The following UPF2 variants were observed in gnomAD, a reference collection of about 807,000 sequenced individuals.
The protein encoded by UPF2 is UPF2 regulator of nonsense mediated mRNA decay.
A neutral mutation model predicts 141.4 loss-of-function variants in UPF2; 17 were observed. The ratio of observed to expected loss-of-function variants is 0.12; its 90% CI spans 0.08 to 0.18. The LOEUF (loss-of-function observed/expected upper bound fraction) is 0.18, where lower values mean the gene tolerates loss of function less well. UPF2 is among the 10% of genes least tolerant of loss of function. The pLI, the probability that UPF2 is intolerant of heterozygous loss-of-function variation, is 1.00. For missense variants in UPF2, 1,152 were observed against 1,515.9 expected (o/e 0.76, Z 3.99); for synonymous variants, 540 against 498.0 (o/e 1.08, Z -1.12).
At chr10:11,942,102 T>C (rs1408448481) in intron 18 of UPF2, among the ~76,000 whole-genome samples, 2 of 152,142 alleles carry the variant, frequency 1.3e-5, no homozygotes, top group Admixed American at 6.5e-5. Flanking sequence ...AGGCCAGGCA[T>C]GGTGGCTCAC....
In UPF2 at chr10:11,990,227, T is replaced by C. The variant is rs1180194995; in HGVS notation, c.1844+7445A>G. Among the ~76,000 whole-genome samples, 6 of 152,300 alleles carry C rather than the reference T, an allele frequency of 3.9e-5. No individual in the cohort carries two copies. The East Asian group carries it at 7.7e-4, about 20-fold the overall frequency. On this transcript the variant is annotated intron_variant, in intron 8 of 21. Coordinates refer to ENST00000357604, the MANE Select transcript of UPF2 (RefSeq NM_015542.4). ...TGCTTCTTTCAATGATAAACACATA[T>C]TGTTTCTCTATAGTTTGACCACTTA...
At chr10:11,937,179 T>G (rs1239073885) in intron 18 of UPF2, among the ~76,000 whole-genome samples, 1 of 152,266 alleles carries the variant, frequency 6.6e-6, no homozygotes, top group Non-Finnish European at 1.5e-5. Flanking sequence ...ATGGAATCTA[T>G]GACCATTTGT....
At chr10:12,000,299 T>C (rs1699876523) in intron 6 of UPF2, among the ~76,000 whole-genome samples, 1 of 152,242 alleles carries the variant, frequency 6.6e-6, no homozygotes, top group South Asian at 2.1e-4. Flanking sequence ...TATTGGTGTC[T>C]GCCCAGCATC....
Position 12,029,233 on chromosome 10 carries a change from C to G in UPF2, c.657G>C (p.Val219=). The G allele has an allele frequency of 6.2e-7, 1 of 1,614,162 alleles. No homozygotes were observed. Among genetic ancestry groups the G allele is most frequent in the Non-Finnish European group, 8.5e-7 (1 of 1,180,028 alleles). The part of the protein sequence containing the change: ...IVEAKLKISD[V]NCAVHLCSLF... ...GAGAGCAGAGGTGCACAGCACAGTTCACATCAGAGATTTTTAGTTTTGCTT... is the reference window on the plus strand; with the variant it reads ...GAGAGCAGAGGTGCACAGCACAGTTGACATCAGAGATTTTTAGTTTTGCTT... The change falls in exon 3 of 22, where the codon GTG becomes GTC. Residue 219 remains valine, a synonymous_variant. Coordinates refer to ENST00000357604, the MANE Select transcript of UPF2 (RefSeq NM_015542.4).
At position 12,028,819 on chromosome 10, in the gene UPF2, T is replaced by A; in HGVS notation, c.1071A>T (p.Lys357Asn). 6.2e-7 allele frequency: 1 copy of A among 1,614,154 alleles called. No homozygotes were observed. The highest frequency in any genetic ancestry group is 8.5e-7 in the Non-Finnish European group (1 of 1,180,030). Residue 357 changes from lysine to asparagine, a missense_variant, in exon 3 of 22, where the codon AAA (lysine) becomes AAT (asparagine). Transcript: ENST00000357604. Reference sequence around the variant, plus strand: ...GTTTGGTCAAAGACGTAAAGTACTCTTTTAAAAGATTCTGGAAGGGCTGTT... The same window carrying A: ...GTTTGGTCAAAGACGTAAAGTACTCATTTAAAAGATTCTGGAAGGGCTGTT... ...EKQQPFQNLL[K>N]EYFTSLTKHL...
At chr10:11,964,472 C>T (rs1367565836) in intron 10 of UPF2, among the ~76,000 whole-genome samples, 1 of 152,164 alleles carries the variant, frequency 6.6e-6, no homozygotes. Flanking sequence ...ATTCTCACTA[C>T]AAAAGTATTA....
chr10:12,016,247 G>C lies in UPF2; in HGVS notation c.1146-2063C>G, dbSNP rs1834218017. Among the ~76,000 whole-genome samples the C allele has an allele frequency of 6.6e-6, 1 of 151,984 alleles. No homozygotes were observed. The highest frequency in any genetic ancestry group is 2.1e-4 in the South Asian group (1 of 4,822). On this transcript the variant is annotated intron_variant, in intron 3 of 21. Transcript: ENST00000357604. The surrounding 1 kb of genome is among the most constrained non-coding windows in gnomAD (Gnocchi z 4.1). Reference sequence around the variant, plus strand: ...TTTTAATTTACTTTTATTTTTTGTAGAGACGGGAGTCTGGCTATGTTGGCC... The same window carrying C: ...TTTTAATTTACTTTTATTTTTTGTACAGACGGGAGTCTGGCTATGTTGGCC...
At chr10:11,945,222 T>C (rs57307370) in intron 16 of UPF2, among the ~76,000 whole-genome samples, 346 of 152,320 alleles carry the variant, frequency 2.3e-3, no homozygotes, top group African/African-American at 7.9e-3. Context: ...TTCAGGTTGT[T>C]AGGTGCTCAA....
Position 11,931,135 on chromosome 10 carries a change from C to T in UPF2, c.3688+506G>A, listed in dbSNP as rs905336431. Among the ~76,000 whole-genome samples the T allele has an allele frequency of 2.0e-5, 3 of 152,200 alleles. No individual in the cohort carries two copies. The highest frequency in any genetic ancestry group is 4.8e-5 in the African/African-American group (2 of 41,442). On this transcript the variant is annotated intron_variant, in intron 20 of 21. Coordinates refer to ENST00000357604, the MANE Select transcript of UPF2 (RefSeq NM_015542.4). This position sits in a 1 kb window ranked among gnomAD's most constrained non-coding sequence, Gnocchi z 5.9. ...GTAGACAAAAGGAGGTAAATACAGT[C>T]GTGTGCCGCGTGACCATGTTCCAGA...
intron 5 of UPF2, among the ~76,000 whole-genome samples, chr10:12,003,908 G>A (rs147579097): frequency 4.8e-3 from 310 of 64,396 alleles, no homozygotes; most frequent in Non-Finnish European, 8.5e-3. Flanking sequence ...CTGGACAAGA[G>A]CAAAAACTCC....
chr10:11,950,972 A>G (rs1313493519), intron 15 of UPF2, among the ~76,000 whole-genome samples: 2 of 152,240 alleles, frequency 1.3e-5, no homozygotes, highest in Non-Finnish European at 2.9e-5. Flanking sequence ...GGCGAAAGTA[A>G]AGATCCCTTA....
intron 10 of UPF2, among the ~76,000 whole-genome samples, chr10:11,965,446 A>G (rs1833303264): frequency 6.6e-6 from 1 of 152,086 alleles, no homozygotes; most frequent in African/African-American, 2.4e-5. Context: ...CAATATTTAC[A>G]ATACTTATTA....
intron 9 of UPF2, among the ~76,000 whole-genome samples, chr10:11,977,902 G>A (rs766425523): frequency 1.8e-4 from 27 of 152,012 alleles, no homozygotes; most frequent in Admixed American, 3.3e-4. Flanking sequence ...CTTCCCTTAC[G>A]TACTACTACC....
chr10:11,959,757 T>TA lies in UPF2; in HGVS notation c.2185-402dup, dbSNP rs1192275225. On this transcript the variant is annotated intron_variant, in intron 11 of 21. Transcript: ENST00000357604. This position sits in a 1 kb window ranked among gnomAD's most constrained non-coding sequence, Gnocchi z 5.9. ...TGGGCAACAGCAAGACCCTGTCTCTTAAAAAAAACAAAACAAAAACACACA... is the reference window on the plus strand; with the variant it reads ...TGGGCAACAGCAAGACCCTGTCTCTTAAAAAAAAACAAAACAAAAACACACA... Among the ~76,000 whole-genome samples the TA allele has an allele frequency of 5.9e-5, 9 of 151,362 alleles. No homozygotes were observed. Among genetic ancestry groups the TA allele is most frequent in the Non-Finnish European group, 7.4e-5 (5 of 67,810 alleles).
chr10:11,983,827 T>C (rs1348091393), intron 8 of UPF2, among the ~76,000 whole-genome samples: 2 of 152,234 alleles, frequency 1.3e-5, no homozygotes, highest in Admixed American at 6.5e-5. Context: ...TAACACGTTT[T>C]CTATGCTCTG....
At chr10:12,010,185 A>G (rs1834103338) in intron 4 of UPF2, among the ~76,000 whole-genome samples, 2 of 152,244 alleles carry the variant, frequency 1.3e-5, no homozygotes. Flanking sequence ...ACGCTTAATG[A>G]TATTTATAAG....
Position 11,999,951 on chromosome 10 carries a change from G to A in UPF2, c.1713C>T (p.Phe571=). The A allele has an allele frequency of 1.2e-6, 2 of 1,613,704 alleles. No individual in the cohort carries two copies. Among genetic ancestry groups the A allele is most frequent in the Non-Finnish European group, 1.7e-6 (2 of 1,179,892 alleles). ...GSHLKLIVDA[F]LQQLPNCVNR... ...TGACACAGTTGGGTAACTGCTGTAG[G>A]AAAGCATCTACTATGAGCTTGAGAT... The change falls in exon 7 of 22, where the codon TTC becomes TTT. Residue 571 remains phenylalanine (F), a synonymous_variant. Transcript: ENST00000357604.
chr10:11,929,953 G>A lies in UPF2; in HGVS notation c.3721C>T (p.Pro1241Ser), dbSNP rs1832762618. The change falls in exon 21 of 22, where the codon CCA becomes TCA. Residue 1241 changes from proline (P) to serine (S), a missense_variant. Transcript: ENST00000357604. ...CGCCTCTCACGATTGGTGTTTGCTGGAGCTGGGCGCTGTGCAAGAGACTGC... is the reference window on the plus strand; with the variant it reads ...CGCCTCTCACGATTGGTGTTTGCTGAAGCTGGGCGCTGTGCAAGAGACTGC... ...MLQSLAQRPA[P>S]ANTNRERRPR... 2 of 1,614,106 alleles carry A rather than the reference G, an allele frequency of 1.2e-6. No homozygotes were observed. Among genetic ancestry groups the A allele is most frequent in the Admixed American group, 3.3e-5 (2 of 60,004 alleles).
chr10:11,931,921 C>G lies in UPF2; in HGVS notation c.3547-139G>C. Reference sequence around the variant, plus strand: ...ATCCCAGCACTTTGGGAGGCCGAGGCGGGCGGATCACGAGGTCAAGAGATC... The same window carrying G: ...ATCCCAGCACTTTGGGAGGCCGAGGGGGGCGGATCACGAGGTCAAGAGATC... On this transcript the variant is annotated intron_variant, in intron 19 of 21. Coordinates refer to ENST00000357604, the MANE Select transcript of UPF2 (RefSeq NM_015542.4). This position sits in a 1 kb window ranked among gnomAD's most constrained non-coding sequence, Gnocchi z 5.9. 2.4e-6 allele frequency: 2 copies of G among 850,780 alleles called. No individual in the cohort carries two copies. Among genetic ancestry groups the G allele is most frequent in the South Asian group, 4.2e-5 (2 of 47,276 alleles). 52.7% of individuals were successfully genotyped at this position (850,780 alleles called of 1,614,324 possible).
Sources: gnomAD v4.1 joint callset for allele counts (sites outside exome capture counted in the v4.1 genomes callset) on GRCh38, gnomAD v4.1.1 for gene constraint, Gnocchi (gnomAD v3.1) non-coding constraint, MANE v1.5 for transcripts, NCBI Gene and HGNC (gene_info 2026-07-23, HGNC 2026-07-21) for gene names.